The following PTK7 variants were observed in gnomAD, a reference collection of about 807,000 sequenced individuals.
The protein encoded by PTK7 is protein tyrosine kinase 7 (inactive).
PTK7 carries 39 observed loss-of-function variants against 116.6 expected under a neutral mutation model. The observed-to-expected ratio is 0.33, with a 90% confidence interval of 0.26 to 0.44. The LOEUF (loss-of-function observed/expected upper bound fraction) is 0.44. PTK7 is among the 20% of genes least tolerant of loss of function. The pLI is 1.00. For synonymous variants in PTK7, 546 were observed against 563.6 expected, an observed-to-expected ratio of 0.97 and a Z score of 0.44; for missense variants, 1,169 against 1,425.6, an observed-to-expected ratio of 0.82 and a Z score of 2.90.
In PTK7 at chr6:43,128,959, C is replaced by T; in HGVS notation, c.80-18C>T. On this transcript the variant is annotated intron_variant, in intron 1 of 19. Transcript: ENST00000230419. ...GCAGCTCCCCCTGACCCTGCCTCTC[C>T]CCTGTTTGCATCTACAGGTACCCAG... The T allele has an allele frequency of 1.3e-6, 2 of 1,588,356 alleles. No homozygotes were observed. Among genetic ancestry groups the T allele is most frequent in the African/African-American group, 1.3e-5 (1 of 74,728 alleles).
chr6:43,114,250 A>G lies in PTK7; in HGVS notation c.80-14727A>G, dbSNP rs146659989. The stretch of plus-strand genomic sequence containing the variant: ...TCTCTCTATGATTCTATGTTACTTG[A>G]TCTCTGTCTCTCAGTTTCTCTCTGT... On this transcript the variant is annotated intron_variant, in intron 1 of 19. Coordinates refer to ENST00000230419, the MANE Select transcript of PTK7 (RefSeq NM_002821.5). Among the ~76,000 whole-genome samples the G allele has an allele frequency of 7.0e-3, 1,055 of 150,994 alleles. 10 individuals are homozygous for G. Among genetic ancestry groups the G allele is most frequent in the African/African-American group, 0.024 (977 of 41,066 alleles).
chr6:43,126,263 T>C (rs1035160766), intron 1 of PTK7, among the ~76,000 whole-genome samples: 81 of 152,000 alleles, frequency 5.3e-4, no homozygotes, highest in African/African-American at 1.9e-3. Flanking sequence ...GAGGTTGCAG[T>C]GAGCCAAGAT....
In PTK7 at chr6:43,129,395, G is replaced by C; in HGVS notation, c.367+131G>C. On this transcript the variant is annotated intron_variant, in intron 2 of 19. Coordinates refer to ENST00000230419, the MANE Select transcript of PTK7 (RefSeq NM_002821.5). This position sits in a 1 kb window ranked among gnomAD's most constrained non-coding sequence, Gnocchi z 4.5. ...GCCAGGCAGAATGCATTTATCATCA[G>C]CTTTTTTTGCTCATGTGGATAAGAG... is the stretch of plus-strand genomic sequence containing the variant. 1 of 1,219,952 alleles carries C rather than the reference G, an allele frequency of 8.2e-7. No individual in the cohort carries two copies. Among genetic ancestry groups the C allele is most frequent in the Non-Finnish European group, 1.1e-6 (1 of 884,538 alleles). 75.6% of individuals were successfully genotyped at this position (1,219,952 alleles called of 1,614,324 possible). A position where few individuals can be genotyped will look rare whatever the true frequency, so the allele number is the denominator to read the frequency against.
chr6:43,158,536 A>G (rs1274319165), intron 17 of PTK7, among the ~76,000 whole-genome samples: 1 of 152,192 alleles, frequency 6.6e-6, no homozygotes, highest in African/African-American at 2.4e-5. Flanking sequence ...GTTACTATGT[A>G]TGTGCCCTTA....
At chr6:43,138,517 C>G (rs1277018562) in intron 7 of PTK7, 1 of 188,850 alleles carries the variant, frequency 5.3e-6, no homozygotes, top group Non-Finnish European at 1.1e-5. Flanking sequence ...AAAAATTAGC[C>G]AAGTATTGTG....
intron 13 of PTK7, 84 bp downstream of exon 13, chr6:43,142,383 C>T (rs1238805795): frequency 2.5e-6 from 4 of 1,597,696 alleles, no homozygotes; most frequent in African/African-American, 1.3e-5. Context: ...GTGTACAGAA[C>T]ATGGCACAGA....
At chr6:43,149,059 C>CAAAAAAAAA (rs59033917) in intron 17 of PTK7, among the ~76,000 whole-genome samples, 17 of 69,858 alleles carry the variant, frequency 2.4e-4, no homozygotes, top group Non-Finnish European at 3.5e-4. Flanking sequence ...GACTTTGTCT[C>CAAAAAAAAA]AAAAAAAAAA....
At chr6:43,094,412 A>G (rs1224989063) in intron 1 of PTK7, among the ~76,000 whole-genome samples, 1 of 151,522 alleles carries the variant, frequency 6.6e-6, no homozygotes, top group Non-Finnish European at 1.5e-5. Context: ...TATGGGGTTT[A>G]TATGGTAGGT....
At chr6:43,144,041 C>A (rs1478493304) in intron 14 of PTK7, among the ~76,000 whole-genome samples, 4 of 152,238 alleles carry the variant, frequency 2.6e-5, no homozygotes, top group African/African-American at 9.6e-5. Context: ...ATTGCTGGGT[C>A]TCTCCTATCA....
chr6:43,110,461 G>A (rs184264564), intron 1 of PTK7, among the ~76,000 whole-genome samples: 165 of 151,678 alleles, frequency 1.1e-3, no homozygotes, highest in African/African-American at 3.5e-3. Context: ...TGCCCAGGCT[G>A]GAGTACAGTG....
At chr6:43,094,550 C>T (rs1226658747) in intron 1 of PTK7, among the ~76,000 whole-genome samples, 2 of 151,494 alleles carry the variant, frequency 1.3e-5, no homozygotes, top group Admixed American at 6.6e-5. Flanking sequence ...CTGCAAGCTC[C>T]GCCTCCTGAG....
chr6:43,109,279 A>G lies in PTK7; in HGVS notation c.80-19698A>G, dbSNP rs550763568. Among the ~76,000 whole-genome samples the G allele has an allele frequency of 2.7e-4, 41 of 152,082 alleles. 1 individual carries two copies. The highest frequency in any genetic ancestry group is 4.3e-4 in the Non-Finnish European group (29 of 68,008). Reference sequence around the variant, plus strand: ...TGAACTTGAACTCCGGGGCTCAAGCAATCCTCCCACCTGAGCCACTCAAGT... The same window carrying G: ...TGAACTTGAACTCCGGGGCTCAAGCGATCCTCCCACCTGAGCCACTCAAGT... On this transcript the variant is annotated intron_variant, in intron 1 of 19. Transcript: ENST00000230419.
chr6:43,114,697 T>C (rs1406927845), intron 1 of PTK7, among the ~76,000 whole-genome samples: 3 of 152,182 alleles, frequency 2.0e-5, no homozygotes, highest in Non-Finnish European at 2.9e-5. Flanking sequence ...CGTCCGCGTG[T>C]GCTTTATGCT....
intron 1 of PTK7, among the ~76,000 whole-genome samples, chr6:43,088,792 T>C (rs1251219056): frequency 6.6e-6 from 1 of 152,192 alleles, no homozygotes; most frequent in East Asian, 1.9e-4. Context: ...TAAATCCCGA[T>C]GGCTTGAGCT....
intron 5 of PTK7, 135 bp downstream of exon 5, chr6:43,130,796 A>G (rs985771371): frequency 1.5e-6 from 2 of 1,298,706 alleles, no homozygotes; most frequent in Non-Finnish European, 2.1e-6. Context: ...ACACAGTTGA[A>G]TGTTTTGCTT....
chr6:43,112,242 TTTTATTTATTTATTTATTTA>T (rs36184350), intron 1 of PTK7, among the ~76,000 whole-genome samples: 7 of 146,448 alleles, frequency 4.8e-5, no homozygotes, highest in African/African-American at 1.8e-4. Flanking sequence ...TGCTAGCCAG[TTTTATTTATTTATTTATTTA>T]TTTATTTATT....
At chr6:43,140,436 G>C (rs1211878371) in intron 10 of PTK7, among the ~76,000 whole-genome samples, 1 of 146,970 alleles carries the variant, frequency 6.8e-6, no homozygotes, top group Non-Finnish European at 1.5e-5. Context: ...CTGGGTGGCA[G>C]AGCGAGACTC....
chr6:43,142,504 T>G (rs1298409672), intron 13 of PTK7: 13 of 446,916 alleles, frequency 2.9e-5, no homozygotes, highest in South Asian at 1.2e-4. Context: ...CAACGGTCGG[T>G]GTGTGTGTGT....
intron 14 of PTK7, among the ~76,000 whole-genome samples, chr6:43,144,096 T>A (rs1413836774): frequency 4.6e-5 from 7 of 152,200 alleles, no homozygotes; most frequent in Non-Finnish European, 1.0e-4. Flanking sequence ...TTATTGTGAT[T>A]TTCCCTTTGT....
Sources: gnomAD v4.1 joint callset for allele counts (sites outside exome capture counted in the v4.1 genomes callset) on GRCh38, gnomAD v4.1.1 for gene constraint, Gnocchi (gnomAD v3.1) non-coding constraint, MANE v1.5 for transcripts, NCBI Gene and HGNC (gene_info 2026-07-23, HGNC 2026-07-21) for gene names.